GPRIN3: variants seen among roughly 807,000 people sequenced by gnomAD.
The protein encoded by GPRIN3 is G protein-regulated inducer of neurite outgrowth 3.
GPRIN3 carries 12 observed loss-of-function variants against 13.7 expected under a neutral mutation model. The ratio of observed to expected loss-of-function variants is 0.87; its 90% CI spans 0.56 to 1.42. GPRIN3 has a LOEUF of 1.42. Among genes scored for constraint, GPRIN3 ranks in the 40% most tolerant of loss-of-function variants. The probability of loss-of-function intolerance (pLI) is 0.00; values close to 1 mark genes in which losing one functional copy is unlikely to be tolerated. For missense variants in GPRIN3, 1,009 were observed against 958.7 expected (o/e 1.05, Z -0.69); for synonymous variants, 377 against 372.7 (o/e 1.01, Z -0.13).
At chr4:89,288,081 G>A (rs965254760) in intron 1 of GPRIN3, among the ~76,000 whole-genome samples, 2 of 152,138 alleles carry the variant, frequency 1.3e-5, no homozygotes, top group South Asian at 2.1e-4. Context: ...TCGAGGGCCC[G>A]TGCAGATCAC....
intron 1 of GPRIN3, among the ~76,000 whole-genome samples, chr4:89,259,515 T>C (rs958294356): frequency 2.0e-5 from 3 of 152,240 alleles, no homozygotes; most frequent in Non-Finnish European, 2.9e-5. Flanking sequence ...TTGCATGTTT[T>C]TGCATTTGCA....
At position 89,248,948 on chromosome 4, in the gene GPRIN3, A is replaced by G. The variant is rs754179495; in HGVS notation, c.1163T>C (p.Ile388Thr). ...APQESSQCPG[I>T]MPQVHIQAAA... ...TGCCTGAATGTGCACCTGTGGCATGATGCCAGGGCACTGGCTGGACTCCTG... is the reference window on the plus strand; with the variant it reads ...TGCCTGAATGTGCACCTGTGGCATGGTGCCAGGGCACTGGCTGGACTCCTG... The change falls in exon 2 of 2, where the codon ATC (isoleucine) becomes ACC (threonine). Residue 388 changes from isoleucine to threonine, a missense_variant. Ile to Thr is a moderately conservative substitution (Grantham distance 89). Transcript: ENST00000609438. The G allele has an allele frequency of 1.2e-6, 2 of 1,614,204 alleles. No homozygotes were observed. Among genetic ancestry groups the G allele is most frequent in the Non-Finnish European group, 1.7e-6 (2 of 1,180,012 alleles).
At chr4:89,269,544 T>C (rs762274188) in intron 1 of GPRIN3, among the ~76,000 whole-genome samples, 2 of 152,170 alleles carry the variant, frequency 1.3e-5, no homozygotes, top group African/African-American at 2.4e-5. Flanking sequence ...CCTTCAACTG[T>C]GAAATTTATT....
chr4:89,304,829 T>TAA (rs1381328526), intron 1 of GPRIN3, among the ~76,000 whole-genome samples: 1 of 152,214 alleles, frequency 6.6e-6, no homozygotes, highest in Non-Finnish European at 1.5e-5. Context: ...CATTTCTACA[T>TAA]AATTCAAACC....
intron 1 of GPRIN3, among the ~76,000 whole-genome samples, chr4:89,286,500 C>A (rs1223264761): frequency 6.6e-6 from 1 of 150,782 alleles, no homozygotes; most frequent in African/African-American, 2.4e-5. Context: ...AGAGAATCTA[C>A]CTCATCATAT....
intron 1 of GPRIN3, among the ~76,000 whole-genome samples, chr4:89,259,011 A>C (rs527296186): frequency 6.6e-6 from 1 of 152,370 alleles, no homozygotes; most frequent in African/African-American, 2.4e-5. Flanking sequence ...TTTTGGCATA[A>C]TTTACCTATG....
chr4:89,288,341 A>G lies in GPRIN3; in HGVS notation c.-124+19274T>C, dbSNP rs1488894984. ...CACAAATAGATTTGATGGTTGTTCT[A>G]TGCTGTCTTGGTCACTCATTTATAA... On this transcript the variant is annotated intron_variant, in intron 1 of 1. Transcript: ENST00000609438. Among the ~76,000 whole-genome samples, 10 of 152,230 alleles carry G rather than the reference A, an allele frequency of 6.6e-5. 1 individual carries two copies. The highest frequency in any genetic ancestry group is 4.8e-5 in the African/African-American group (2 of 41,462).
At chr4:89,251,304 T>TA (rs1723318494) in intron 1 of GPRIN3, 1 of 152,140 alleles carries the variant, frequency 6.6e-6, no homozygotes, top group South Asian at 2.1e-4. Flanking sequence ...TTAAAAAAAA[T>TA]AGACTTTTAA....
At chr4:89,288,456 A>G (rs1044436834) in intron 1 of GPRIN3, among the ~76,000 whole-genome samples, 3 of 152,202 alleles carry the variant, frequency 2.0e-5, no homozygotes, top group African/African-American at 7.2e-5. Context: ...AAGTTTGCAT[A>G]AATGCAAACT....
intron 1 of GPRIN3, among the ~76,000 whole-genome samples, chr4:89,282,489 C>G (rs1484546483): frequency 6.6e-6 from 1 of 152,088 alleles, no homozygotes; most frequent in Non-Finnish European, 1.5e-5. Flanking sequence ...AAGGAAGGAT[C>G]CAAAGTGTGT....
chr4:89,253,433 C>T (rs995394070), intron 1 of GPRIN3, among the ~76,000 whole-genome samples: 14 of 152,146 alleles, frequency 9.2e-5, no homozygotes, highest in African/African-American at 2.2e-4. Context: ...AAACCAAGAA[C>T]GCTGAACACC....
Position 89,246,941 on chromosome 4 carries a change from T to G in GPRIN3, c.*839A>C, listed in dbSNP as rs1388576931. On this transcript the variant is annotated 3_prime_UTR_variant, in exon 2 of 2. Coordinates refer to ENST00000609438, the MANE Select transcript of GPRIN3 (RefSeq NM_198281.3). ...TATCAATTTAGTATTATCCCTAATT[T>G]GATGGCTCTTTTCAAGAATTCAGTC... is the stretch of plus-strand genomic sequence containing the variant. 1.3e-5 allele frequency: 2 copies of G among 152,212 alleles called. No individual in the cohort carries two copies. Among genetic ancestry groups the G allele is most frequent in the African/African-American group, 2.4e-5 (1 of 41,452 alleles). 9.4% of individuals were successfully genotyped at this position (152,212 alleles called of 1,614,324 possible). A position where few individuals can be genotyped will look rare whatever the true frequency, so the allele number is the denominator to read the frequency against.
intron 1 of GPRIN3, among the ~76,000 whole-genome samples, chr4:89,281,966 T>C (rs1724264182): frequency 6.6e-6 from 1 of 151,400 alleles, no homozygotes; most frequent in African/African-American, 2.4e-5. Flanking sequence ...AGTCATCTTT[T>C]TTTTTTTTTT....
intron 1 of GPRIN3, among the ~76,000 whole-genome samples, chr4:89,302,796 A>G (rs999486939): frequency 2.0e-5 from 3 of 152,202 alleles, no homozygotes; most frequent in African/African-American, 2.4e-5. Flanking sequence ...CTTACGTGCA[A>G]AAAGTTAGAT....
rs1158706597 is a variant in GPRIN3 at position 89,244,095 on chromosome 4, G to A, written c.*3685C>T. The A allele has an allele frequency of 1.3e-5, 2 of 152,158 alleles. No homozygotes were observed. The highest frequency in any genetic ancestry group is 1.5e-5 in the Non-Finnish European group (1 of 68,028). The allele number at this position is 152,158 out of a possible 1,614,324, so 9.4% of individuals were successfully genotyped here. A position where few individuals can be genotyped will look rare whatever the true frequency, so the allele number is the denominator to read the frequency against. ...GGTATGCTATATATAGGGATTCTCAGAATGACAGGCATTCCCAGAAATGAG... is the reference window on the plus strand; with the variant it reads ...GGTATGCTATATATAGGGATTCTCAAAATGACAGGCATTCCCAGAAATGAG... On this transcript the variant is annotated 3_prime_UTR_variant, in exon 2 of 2. Transcript: ENST00000609438.
At chr4:89,278,660 C>T (rs1021468629) in intron 1 of GPRIN3, among the ~76,000 whole-genome samples, 5 of 152,190 alleles carry the variant, frequency 3.3e-5, no homozygotes, top group African/African-American at 1.2e-4. Context: ...GCACTGGACT[C>T]ATTAATGTCT....
At chr4:89,264,319 G>C (rs1250811473) in intron 1 of GPRIN3, among the ~76,000 whole-genome samples, 2 of 152,108 alleles carry the variant, frequency 1.3e-5, no homozygotes, top group Non-Finnish European at 2.9e-5. Flanking sequence ...GCACACCCTG[G>C]CTCCCTTTTG....
chr4:89,304,276 C>T (rs1245495791), intron 1 of GPRIN3, among the ~76,000 whole-genome samples: 1 of 152,176 alleles, frequency 6.6e-6, no homozygotes, highest in Non-Finnish European at 1.5e-5. Flanking sequence ...TCTTGGTCGG[C>T]TCTTGGCATC....
chr4:89,269,781 AAT>A lies in GPRIN3; in HGVS notation c.-123-19550_-123-19549del, dbSNP rs547755615. Among the ~76,000 whole-genome samples the A allele has an allele frequency of 2.6e-5, 4 of 152,326 alleles. No homozygotes were observed. In the South Asian group the frequency reaches 8.3e-4, roughly 32 times the overall value. ...ATGATTAGGTGCTACAAAATAATCCAATCTCTTGCTATGTGGTTTGAGCACAT... is the reference window on the plus strand; with the variant it reads ...ATGATTAGGTGCTACAAAATAATCCACTCTTGCTATGTGGTTTGAGCACAT... On this transcript the variant is annotated intron_variant, in intron 1 of 1. Coordinates refer to ENST00000609438, the MANE Select transcript of GPRIN3 (RefSeq NM_198281.3).
Sources: allele counts gnomAD v4.1 joint callset (sites outside exome capture counted in the v4.1 genomes callset), GRCh38; gene constraint gnomAD v4.1.1; transcripts MANE v1.5; gene names NCBI Gene and HGNC (gene_info 2026-07-23, HGNC 2026-07-21).